ZNF704: variants seen among roughly 807,000 people sequenced by gnomAD.
The protein encoded by ZNF704 is zinc finger protein 704, also known as glucocorticoid induced gene 1.
A neutral mutation model predicts 44.7 loss-of-function variants in ZNF704; 10 were observed. That is an observed-to-expected ratio of 0.22 (90% confidence interval 0.14 to 0.38). The LOEUF is 0.38. Ranked by LOEUF, ZNF704 falls within the 10% of genes least tolerant of loss-of-function variation. ZNF704 has a pLI of 1.00. For synonymous variants in ZNF704, 211 were observed against 207.6 expected, an observed-to-expected ratio of 1.02 and a Z score of -0.14; for missense variants, 390 against 545.5, an observed-to-expected ratio of 0.71 and a Z score of 2.84.
intron 2 of ZNF704, among the ~76,000 whole-genome samples, chr8:80,786,422 T>C (rs1807615183): frequency 6.6e-6 from 1 of 152,324 alleles, no homozygotes; most frequent in South Asian, 2.1e-4. Context: ...GCTACACTGC[T>C]ACCTACCATT....
intron 2 of ZNF704, among the ~76,000 whole-genome samples, chr8:80,709,685 T>C (rs1223350584): frequency 1.3e-5 from 2 of 151,944 alleles, no homozygotes; most frequent in African/African-American, 4.8e-5. Flanking sequence ...TCTAAGAAAG[T>C]GTCAGCCCGA....
intron 7 of ZNF704, among the ~76,000 whole-genome samples, chr8:80,656,392 G>A (rs1285937796): frequency 1.3e-5 from 2 of 152,168 alleles, no homozygotes; most frequent in Non-Finnish European, 2.9e-5. Context: ...TTAATAAAGG[G>A]GCCAACGGCT....
intron 1 of ZNF704, among the ~76,000 whole-genome samples, chr8:80,857,002 T>C (rs537717171): frequency 1.3e-5 from 2 of 152,196 alleles, no homozygotes; most frequent in Non-Finnish European, 2.9e-5. Flanking sequence ...AATTCATTTA[T>C]TTAGGTCTTT....
intron 1 of ZNF704, among the ~76,000 whole-genome samples, chr8:80,839,452 G>C (rs1808638805): frequency 6.6e-6 from 1 of 152,196 alleles, no homozygotes; most frequent in Non-Finnish European, 1.5e-5. Flanking sequence ...CTAATTCACA[G>C]ATAGCCAATT....
At chr8:80,863,444 T>C (rs1029848198) in intron 1 of ZNF704, among the ~76,000 whole-genome samples, 14 of 152,312 alleles carry the variant, frequency 9.2e-5, no homozygotes, top group Admixed American at 3.3e-4. Context: ...ATTTCAATTA[T>C]TTAAAAAACT....
At chr8:80,730,350 C>T (rs1585986396) in intron 2 of ZNF704, among the ~76,000 whole-genome samples, 2 of 151,624 alleles carry the variant, frequency 1.3e-5, no homozygotes, top group South Asian at 2.1e-4. Flanking sequence ...CCAACCTGGC[C>T]AACATGGTGA....
At chr8:80,877,942 A>C (rs912813087), upstream of ZNF704, among the ~76,000 whole-genome samples, 4 of 152,356 alleles carry the variant, frequency 2.6e-5, no homozygotes, top group East Asian at 5.8e-4. Context: ...CTTTATATTA[A>C]AACAGACATA....
At chr8:80,700,637 A>T (rs1452819164) in intron 2 of ZNF704, among the ~76,000 whole-genome samples, 1 of 152,194 alleles carries the variant, frequency 6.6e-6, no homozygotes, top group Non-Finnish European at 1.5e-5. Context: ...GTGTGAATAT[A>T]CTGCAGCCTC....
intron 4 of ZNF704, among the ~76,000 whole-genome samples, chr8:80,672,769 A>C (rs1292792353): frequency 6.6e-6 from 1 of 152,122 alleles, no homozygotes; most frequent in Non-Finnish European, 1.5e-5. Flanking sequence ...AGAGGAGGGA[A>C]ATAGGGAGTG....
rs1388820038 is a variant in ZNF704 at position 80,743,516 on chromosome 8, T to C, written c.222-50409A>G. ...GTCTGGAGAGAGAGAATCACATGCCTAGGATGTTCAGAGAAGCAGGTGGGC... is the reference window on the plus strand; with the variant it reads ...GTCTGGAGAGAGAGAATCACATGCCCAGGATGTTCAGAGAAGCAGGTGGGC... On this transcript the variant is annotated intron_variant, in intron 2 of 8. Coordinates refer to ENST00000327835, the MANE Select transcript of ZNF704 (RefSeq NM_001033723.3). Among the ~76,000 whole-genome samples the C allele has an allele frequency of 3.3e-5, 5 of 152,314 alleles. No homozygotes were observed. In the East Asian group the frequency reaches 9.7e-4, roughly 29 times the overall value.
intron 2 of ZNF704, among the ~76,000 whole-genome samples, chr8:80,797,000 G>GC (rs1563556673): frequency 2.7e-5 from 4 of 148,060 alleles, no homozygotes; most frequent in African/African-American, 7.7e-5. Flanking sequence ...AGGAAGGAAG[G>GC]AAGCAAGCAA....
At chr8:80,772,720 T>C (rs778960371) in intron 2 of ZNF704, among the ~76,000 whole-genome samples, 1 of 152,152 alleles carries the variant, frequency 6.6e-6, no homozygotes, top group Admixed American at 6.5e-5. Flanking sequence ...GGATCTCTGT[T>C]TCATTAATTT....
intron 2 of ZNF704, among the ~76,000 whole-genome samples, chr8:80,741,922 C>A (rs570913140): frequency 6.6e-6 from 1 of 152,086 alleles, no homozygotes; most frequent in Admixed American, 6.6e-5. Flanking sequence ...AACTAATAGC[C>A]CTCACTCGGG....
chr8:80,647,722 T>C (rs1284293351), intron 7 of ZNF704, among the ~76,000 whole-genome samples: 1 of 152,172 alleles, frequency 6.6e-6, no homozygotes, highest in Non-Finnish European at 1.5e-5. Context: ...CAAGGATGAA[T>C]TGAGGAGTCA....
intron 2 of ZNF704, among the ~76,000 whole-genome samples, chr8:80,714,442 ATT>A (rs1366229497): frequency 6.6e-6 from 1 of 151,712 alleles, no homozygotes; most frequent in Admixed American, 6.6e-5. Context: ...TTTTTGTCTG[ATT>A]TTGTTTTTAA....
At chr8:80,861,397 T>C (rs998943286) in intron 1 of ZNF704, among the ~76,000 whole-genome samples, 1 of 152,170 alleles carries the variant, frequency 6.6e-6, no homozygotes, top group African/African-American at 2.4e-5. Context: ...AAAAATGCAA[T>C]GAATGAATAA....
chr8:80,760,376 G>C (rs1276444084), intron 2 of ZNF704, among the ~76,000 whole-genome samples: 1 of 152,080 alleles, frequency 6.6e-6, no homozygotes, highest in Non-Finnish European at 1.5e-5. Flanking sequence ...AGAAATACCT[G>C]GCCGGGCACG....
intron 1 of ZNF704, among the ~76,000 whole-genome samples, chr8:80,842,286 G>C (rs756983909): frequency 1.1e-4 from 17 of 152,160 alleles, no homozygotes; most frequent in Non-Finnish European, 2.4e-4. Context: ...TCATCTATAA[G>C]ATAGGGAGGA....
intron 2 of ZNF704, among the ~76,000 whole-genome samples, chr8:80,729,935 C>T (rs894712303): frequency 2.4e-4 from 36 of 152,180 alleles, no homozygotes; most frequent in African/African-American, 8.7e-4. Context: ...TGCTGCGAAT[C>T]ACCTGGATGG....
Sources: allele counts gnomAD v4.1 joint callset (sites outside exome capture counted in the v4.1 genomes callset), GRCh38; gene constraint gnomAD v4.1.1; transcripts MANE v1.5; gene names NCBI Gene and HGNC (gene_info 2026-07-23, HGNC 2026-07-21).